Variants in GRIP1 observed in about 807,000 individuals in gnomAD.
GRIP1 encodes the protein glutamate receptor-interacting protein 1.
In GRIP1, 45 loss-of-function variants were observed where a neutral mutation model predicts 129.9. The ratio of observed to expected loss-of-function variants is 0.35; its 90% CI spans 0.27 to 0.44. The LOEUF is 0.44. GRIP1 is among the 20% of genes least tolerant of loss of function. GRIP1 has a pLI of 1.00. For missense variants in GRIP1, 1,196 were observed against 1,396.8 expected (o/e 0.86, Z 2.29); for synonymous variants, 530 against 520.8 (o/e 1.02, Z -0.24).
chr12:66,410,656 AACAAACAAACAAACAG>A (rs1185065340), intron 15 of GRIP1, among the ~76,000 whole-genome samples: 3 of 108,994 alleles, frequency 2.8e-5, no homozygotes, highest in Admixed American at 2.7e-4. Flanking sequence ...CAAACAAACA[AACAAACAAACAAACAG>A]ACAAACAATG....
At chr12:66,893,886 C>T (rs2040702366) in intron 1 of GRIP1, among the ~76,000 whole-genome samples, 1 of 152,200 alleles carries the variant, frequency 6.6e-6, no homozygotes, top group Non-Finnish European at 1.5e-5. Flanking sequence ...AAGCCAAAGT[C>T]TGTCATTCAG....
chr12:66,475,094 C>T (rs1268197315), intron 7 of GRIP1, among the ~76,000 whole-genome samples: 1 of 152,098 alleles, frequency 6.6e-6, no homozygotes, highest in African/African-American at 2.4e-5. Flanking sequence ...ATCTCATGTG[C>T]AGAGACACAC....
chr12:66,390,565 T>C (rs1326424666), intron 19 of GRIP1, among the ~76,000 whole-genome samples: 2 of 152,206 alleles, frequency 1.3e-5, no homozygotes, highest in Non-Finnish European at 2.9e-5. Context: ...TCAGTTTGCT[T>C]CTCATGGTCC....
At chr12:66,858,079 T>A (rs1377222239) in intron 1 of GRIP1, among the ~76,000 whole-genome samples, 2 of 151,546 alleles carry the variant, frequency 1.3e-5, no homozygotes, top group Non-Finnish European at 2.9e-5. Context: ...TTCACCATGT[T>A]TTTTTGTTTT....
At chr12:66,651,083 G>A (rs535264416) in intron 1 of GRIP1, among the ~76,000 whole-genome samples, 18 of 152,282 alleles carry the variant, frequency 1.2e-4, no homozygotes, top group African/African-American at 4.3e-4. Context: ...CCCAGATGAT[G>A]TGCTAGCTCC....
intron 7 of GRIP1, among the ~76,000 whole-genome samples, chr12:66,506,514 C>T (rs2060531168): frequency 6.6e-6 from 1 of 152,078 alleles, no homozygotes; most frequent in South Asian, 2.1e-4. Context: ...GAAATCAAGA[C>T]AGGGGTTACA....
At chr12:66,576,308 T>C (rs530226810) in intron 2 of GRIP1, among the ~76,000 whole-genome samples, 24 of 152,372 alleles carry the variant, frequency 1.6e-4, no homozygotes, top group African/African-American at 5.8e-4. Flanking sequence ...CAAATCAGCA[T>C]GCATGGGTAA....
chr12:66,393,169 ATTTTTTTTTT>A (rs60982107), intron 17 of GRIP1, among the ~76,000 whole-genome samples: 12 of 78,882 alleles, frequency 1.5e-4, no homozygotes, highest in African/African-American at 3.8e-4. Context: ...CTTTCTACAG[ATTTTTTTTTT>A]TTTTTTTTTT....
upstream of GRIP1, among the ~76,000 whole-genome samples, chr12:66,805,963 GTTTCTTTTTTT>G (rs1241233382): frequency 7.1e-5 from 9 of 126,854 alleles, no homozygotes; most frequent in Non-Finnish European, 8.8e-5. Flanking sequence ...TTGTCCTTAG[GTTTCTTTTTTT>G]TTTCTTTTTT....
At chr12:66,521,886 A>G (rs1440640134) in intron 5 of GRIP1, among the ~76,000 whole-genome samples, 1 of 152,216 alleles carries the variant, frequency 6.6e-6, no homozygotes, top group African/African-American at 2.4e-5. Flanking sequence ...TCCTACGCCC[A>G]TGGAGTCTCG....
intron 1 of GRIP1, among the ~76,000 whole-genome samples, chr12:66,843,727 AACAT>A (rs2039762898): frequency 6.6e-6 from 1 of 152,164 alleles, no homozygotes; most frequent in Admixed American, 6.5e-5. Context: ...TTTAACAAAT[AACAT>A]TGGGAAAACA....
intron 1 of GRIP1, among the ~76,000 whole-genome samples, chr12:66,664,663 G>A (rs898229865): frequency 1.3e-4 from 20 of 152,034 alleles, no homozygotes; most frequent in African/African-American, 4.3e-4. Context: ...ATTAAGCTGG[G>A]TTAATAAATT....
intron 16 of GRIP1, among the ~76,000 whole-genome samples, chr12:66,402,107 T>C (rs1049873686): frequency 2.0e-5 from 3 of 152,202 alleles, no homozygotes; most frequent in African/African-American, 7.2e-5. Context: ...GAGTGTGCCA[T>C]GCTCTCCCTA....
intron 1 of GRIP1, among the ~76,000 whole-genome samples, chr12:66,702,964 C>T (rs946678175): frequency 6.6e-6 from 1 of 152,180 alleles, no homozygotes; most frequent in Admixed American, 6.5e-5. Context: ...GTGCCATATA[C>T]ACCGTACTGA....
intron 1 of GRIP1, among the ~76,000 whole-genome samples, chr12:66,887,219 C>T (rs1317092358): frequency 6.6e-6 from 1 of 152,100 alleles, no homozygotes; most frequent in Non-Finnish European, 1.5e-5. Flanking sequence ...TGAAAGTTAG[C>T]TTTTCAAAAT....
At chr12:66,416,967 GAAAAGA>G (rs757241249) in intron 15 of GRIP1, among the ~76,000 whole-genome samples, 6 of 150,968 alleles carry the variant, frequency 4.0e-5, no homozygotes, top group East Asian at 3.9e-4. Flanking sequence ...ACAAAGAAAA[GAAAAGA>G]AAAAGAAAAA....
At chr12:66,445,189 AT>A (rs745430480) in intron 12 of GRIP1, 132 bp downstream of exon 12, 14 of 798,520 alleles carry the variant, frequency 1.8e-5, no homozygotes, top group Non-Finnish European at 3.0e-5. Flanking sequence ...ATAAAATTTT[AT>A]TGTCAGAAGA....
chr12:66,618,904 T>C (rs1204977117), intron 1 of GRIP1, among the ~76,000 whole-genome samples: 2 of 152,072 alleles, frequency 1.3e-5, no homozygotes, highest in South Asian at 2.1e-4. Context: ...GTAGGATAAA[T>C]AAAGAATATA....
At chr12:66,658,699 A>G (rs1258144911) in intron 1 of GRIP1, among the ~76,000 whole-genome samples, 1 of 152,130 alleles carries the variant, frequency 6.6e-6, no homozygotes, top group Non-Finnish European at 1.5e-5. Context: ...GTTTCAGCCC[A>G]GGAGTTTGAG....
Sources: allele counts gnomAD v4.1 joint callset (sites outside exome capture counted in the v4.1 genomes callset), GRCh38; gene constraint gnomAD v4.1.1; transcripts MANE v1.5; gene names NCBI Gene and HGNC (gene_info 2026-07-23, HGNC 2026-07-21).